The following ANO3 variants were observed in gnomAD, a reference collection of about 807,000 sequenced individuals.
The protein encoded by ANO3 is anoctamin-3.
A neutral mutation model predicts 144.8 loss-of-function variants in ANO3; 99 were observed. That is an observed-to-expected ratio of 0.68 (90% CI 0.58 to 0.81). ANO3 has a LOEUF of 0.81. Ranked by LOEUF, ANO3 falls within the 30% of genes least tolerant of loss-of-function variation. The pLI is 0.00. For synonymous variants in ANO3, 414 were observed against 392.6 expected (o/e 1.05, Z -0.64); for missense variants, 905 against 1,202.2 (o/e 0.75, Z 3.66).
chr11:26,200,548 A>G (rs1438724839), intron 1 of ANO3, among the ~76,000 whole-genome samples: 1 of 152,178 alleles, frequency 6.6e-6, no homozygotes, highest in East Asian at 1.9e-4. Context: ...TTGATGCTGA[A>G]CAAGGCCAAC....
intron 4 of ANO3, among the ~76,000 whole-genome samples, chr11:26,490,885 G>A (rs762260739): frequency 8.5e-5 from 13 of 152,178 alleles, no homozygotes; most frequent in Non-Finnish European, 1.5e-4. Context: ...CTTGAACAGC[G>A]TTTTAATTGG....
At chr11:26,277,543 G>T (rs1223200471) in intron 1 of ANO3, among the ~76,000 whole-genome samples, 1 of 151,894 alleles carries the variant, frequency 6.6e-6, no homozygotes, top group Non-Finnish European at 1.5e-5. Context: ...TTTGACTTTT[G>T]CTGCTCCTTC....
At chr11:26,435,869 A>T (rs948846524) in intron 1 of ANO3, among the ~76,000 whole-genome samples, 3 of 152,052 alleles carry the variant, frequency 2.0e-5, no homozygotes, top group African/African-American at 7.2e-5. Context: ...TCTTGTTCAT[A>T]TTCTAAATTC....
At chr11:26,576,910 T>G (rs1266556184) in intron 14 of ANO3, among the ~76,000 whole-genome samples, 1 of 152,186 alleles carries the variant, frequency 6.6e-6, no homozygotes, top group Non-Finnish European at 1.5e-5. Context: ...TCAACAATAA[T>G]AACAAAAAGT....
chr11:26,465,834 A>T (rs1440681223), intron 4 of ANO3, among the ~76,000 whole-genome samples: 2 of 151,930 alleles, frequency 1.3e-5, no homozygotes, highest in African/African-American at 2.4e-5. Flanking sequence ...GGGGTAGTGA[A>T]TTTTAATTTT....
At chr11:26,547,698 T>G in intron 12 of ANO3, 148 bp downstream of exon 12, 2 of 751,218 alleles carry the variant, frequency 2.7e-6, no homozygotes, top group Admixed American at 2.9e-5. Flanking sequence ...CTTTTGTTTT[T>G]GGTAGGAAGA....
intron 4 of ANO3, among the ~76,000 whole-genome samples, chr11:26,471,237 C>T (rs1859771534): frequency 6.6e-6 from 1 of 151,794 alleles, no homozygotes; most frequent in South Asian, 2.1e-4. Context: ...TTTCTGTGTC[C>T]AGTTCAATCT....
At chr11:26,230,687 A>T (rs1487046153) in intron 1 of ANO3, among the ~76,000 whole-genome samples, 1 of 150,820 alleles carries the variant, frequency 6.6e-6, no homozygotes, top group African/African-American at 2.4e-5. Flanking sequence ...ATCCCAGCTA[A>T]TCAGGAGGCT....
At chr11:26,297,694 G>A (rs913131064) in intron 1 of ANO3, among the ~76,000 whole-genome samples, 1 of 152,054 alleles carries the variant, frequency 6.6e-6, no homozygotes, top group Admixed American at 6.6e-5. Flanking sequence ...CATTCAGAGG[G>A]TTACTACTAC....
At chr11:26,642,159 A>T in intron 22 of ANO3, 130 bp downstream of exon 22, 2 of 948,376 alleles carry the variant, frequency 2.1e-6, no homozygotes, top group Non-Finnish European at 3.1e-6. Context: ...ACACGTCTGC[A>T]CCTTCATCTC....
intron 1 of ANO3, among the ~76,000 whole-genome samples, chr11:26,374,924 A>C (rs1051320777): frequency 6.6e-6 from 1 of 151,994 alleles, no homozygotes; most frequent in Non-Finnish European, 1.5e-5. Context: ...TTGTATTTTT[A>C]GTAGAGACAG....
intron 1 of ANO3, among the ~76,000 whole-genome samples, chr11:26,394,301 A>C (rs1423120208): frequency 6.6e-6 from 1 of 152,184 alleles, no homozygotes; most frequent in Non-Finnish European, 1.5e-5. Flanking sequence ...TTAAAAAATC[A>C]GAGAAATTTT....
Position 26,459,215 on chromosome 11 carries a change from A to T in ANO3, c.314-3815A>T, listed in dbSNP as rs143927606. 7.2e-5 allele frequency among the ~76,000 whole-genome samples: 11 copies of T among 152,228 alleles called. No individual in the cohort carries two copies. In the East Asian group the frequency reaches 2.1e-3, roughly 30 times the overall value. On this transcript the variant is annotated intron_variant, in intron 3 of 26. Transcript: ENST00000256737. ...AAGGAGCTAGATGATGCATATGCCCAGTGGGCTGTTGTATGGACTATGGCT... is the reference window on the plus strand; with the variant it reads ...AAGGAGCTAGATGATGCATATGCCCTGTGGGCTGTTGTATGGACTATGGCT...
At chr11:26,230,020 T>C (rs1203678862) in intron 1 of ANO3, among the ~76,000 whole-genome samples, 1 of 152,192 alleles carries the variant, frequency 6.6e-6, no homozygotes, top group Non-Finnish European at 1.5e-5. Flanking sequence ...CTGGGATCTG[T>C]ATTGTCCAAA....
chr11:26,388,918 G>A (rs1049580671), intron 1 of ANO3, among the ~76,000 whole-genome samples: 1 of 152,130 alleles, frequency 6.6e-6, no homozygotes, highest in Non-Finnish European at 1.5e-5. Flanking sequence ...GATTTTTCAA[G>A]TAGGAGTCTG....
intron 1 of ANO3, among the ~76,000 whole-genome samples, chr11:26,214,262 T>C (rs1200102902): frequency 6.6e-6 from 1 of 151,944 alleles, no homozygotes; most frequent in Admixed American, 6.6e-5. Flanking sequence ...AAATAATTTT[T>C]TTTTTCTGTT....
intron 6 of ANO3, among the ~76,000 whole-genome samples, chr11:26,522,395 C>T (rs1032539790): frequency 2.0e-5 from 3 of 152,130 alleles, no homozygotes; most frequent in Admixed American, 6.5e-5. Context: ...CAGGCATCTC[C>T]ACATGTAGCC....
intron 1 of ANO3, among the ~76,000 whole-genome samples, chr11:26,386,719 A>G (rs1182781578): frequency 6.6e-6 from 1 of 152,186 alleles, no homozygotes; most frequent in Non-Finnish European, 1.5e-5. Context: ...TGTAATCTTT[A>G]AAATTGCAAA....
chr11:26,488,182 T>TAAAAC (rs1565055837), intron 4 of ANO3, among the ~76,000 whole-genome samples: 1 of 151,726 alleles, frequency 6.6e-6, no homozygotes, highest in African/African-American at 2.4e-5. Context: ...CAAAACAAAA[T>TAAAAC]AAAACAAAAC....
Sources: gnomAD v4.1 joint callset for allele counts (sites outside exome capture counted in the v4.1 genomes callset) on GRCh38, gnomAD v4.1.1 for gene constraint, MANE v1.5 for transcripts, NCBI Gene and HGNC (gene_info 2026-07-23, HGNC 2026-07-21) for gene names.